The following HS2ST1 variants were observed in gnomAD, a reference collection of about 807,000 sequenced individuals.
HS2ST1 encodes heparan sulfate 2-O-sulfotransferase 1, also known as 2-O-sulfotransferase.
In HS2ST1, 18 loss-of-function variants were observed where a neutral mutation model predicts 42.9. That is an observed-to-expected ratio of 0.42 (90% confidence interval 0.29 to 0.62). HS2ST1 has a LOEUF of 0.62. Ranked by LOEUF, HS2ST1 falls within the 20% of genes least tolerant of loss-of-function variation. The pLI is 0.21. For synonymous variants in HS2ST1, 146 were observed against 152.9 expected (o/e 0.95, Z 0.33); for missense variants, 334 against 433.8 (o/e 0.77, Z 2.04).
intron 1 of HS2ST1, among the ~76,000 whole-genome samples, chr1:87,010,159 A>G (rs775241489): frequency 4.6e-5 from 7 of 152,170 alleles, no homozygotes; most frequent in East Asian, 1.9e-4. Context: ...TAAGCCTTCT[A>G]TAGGAACAGG....
intron 5 of HS2ST1, among the ~76,000 whole-genome samples, chr1:87,101,157 T>TG (rs1557546453): frequency 2.8e-5 from 2 of 70,278 alleles, no homozygotes; most frequent in African/African-American, 1.3e-4. Flanking sequence ...GTGTTTTTTG[T>TG]TTTTTTTTTT....
At chr1:86,999,971 AAAG>A (rs1649233820) in intron 1 of HS2ST1, among the ~76,000 whole-genome samples, 1 of 152,338 alleles carries the variant, frequency 6.6e-6, no homozygotes, top group South Asian at 2.1e-4. Context: ...TATGCCAAAA[AAAG>A]GGAGAAAATA....
chr1:86,966,347 T>C (rs1648046605), intron 1 of HS2ST1, among the ~76,000 whole-genome samples: 1 of 152,200 alleles, frequency 6.6e-6, no homozygotes, highest in Non-Finnish European at 1.5e-5. Context: ...CTCCTATCTG[T>C]TCTTTGGTAC....
At chr1:87,032,726 G>A (rs1650270227) in intron 1 of HS2ST1, among the ~76,000 whole-genome samples, 2 of 152,016 alleles carry the variant, frequency 1.3e-5, no homozygotes, top group South Asian at 4.2e-4. Context: ...TAGTAAAAAT[G>A]CATTGTTCTT....
At chr1:87,069,890 G>A (rs188136231) in intron 1 of HS2ST1, among the ~76,000 whole-genome samples, 2 of 152,276 alleles carry the variant, frequency 1.3e-5, no homozygotes, top group Admixed American at 1.3e-4. Context: ...CCTGCCGGAG[G>A]TGTAGCAAAG....
intron 3 of HS2ST1, among the ~76,000 whole-genome samples, chr1:87,085,916 A>G (rs1051988636): frequency 6.6e-6 from 1 of 152,234 alleles, no homozygotes; most frequent in Non-Finnish European, 1.5e-5. Flanking sequence ...AAATGCTGAC[A>G]TGAATTTTTA....
At chr1:86,974,040 A>C (rs1353397973) in intron 1 of HS2ST1, among the ~76,000 whole-genome samples, 1 of 152,082 alleles carries the variant, frequency 6.6e-6, no homozygotes, top group Non-Finnish European at 1.5e-5. Flanking sequence ...ACTGTCCTAT[A>C]TTCTGTTTTA....
intron 1 of HS2ST1, among the ~76,000 whole-genome samples, chr1:86,960,425 C>T (rs183921463): frequency 3.4e-4 from 51 of 152,172 alleles, no homozygotes; most frequent in Middle Eastern, 3.4e-3. Context: ...GAAAGAAAGA[C>T]GTTGTTAAGT....
chr1:86,919,972 A>T (rs1660257761), intron 1 of HS2ST1, among the ~76,000 whole-genome samples: 1 of 152,236 alleles, frequency 6.6e-6, no homozygotes, highest in Non-Finnish European at 1.5e-5. Context: ...ATAAAATGTC[A>T]GAATTTGTGG....
chr1:86,990,184 A>G (rs1181646086), intron 1 of HS2ST1, among the ~76,000 whole-genome samples: 1 of 152,170 alleles, frequency 6.6e-6, no homozygotes, highest in Non-Finnish European at 1.5e-5. Context: ...ACTCCCATAA[A>G]CAGTGTAAAA....
rs780040772 is a variant in HS2ST1 at position 87,103,519 on chromosome 1, A to G, written c.774A>G (p.Glu258=). ...TGGTGGGAGTTACTGAAGAACTTGA[A>G]GATTTTATCATGTTATTGGAGGCAG... ...YFLVGVTEEL[E]DFIMLLEAAL... The change falls in exon 6 of 7, where the codon GAA becomes GAG. Residue 258 remains glutamate (E), a synonymous_variant. Transcript: ENST00000370550. 1.2e-6 allele frequency: 2 copies of G among 1,612,616 alleles called. No individual in the cohort carries two copies. Among genetic ancestry groups the G allele is most frequent in the Non-Finnish European group, 1.7e-6 (2 of 1,179,390 alleles).
chr1:87,025,094 T>G (rs1473802750), intron 1 of HS2ST1, among the ~76,000 whole-genome samples: 1 of 152,172 alleles, frequency 6.6e-6, no homozygotes, highest in Non-Finnish European at 1.5e-5. Context: ...GTTACATAGG[T>G]GTCAGAGGAT....
chr1:87,025,090 T>C (rs752524173), intron 1 of HS2ST1, among the ~76,000 whole-genome samples: 3 of 152,326 alleles, frequency 2.0e-5, no homozygotes, highest in South Asian at 2.1e-4. Flanking sequence ...ATTGGTTACA[T>C]AGGTGTCAGA....
chr1:87,049,869 T>TTTA, intron 1 of HS2ST1, among the ~76,000 whole-genome samples: 1 of 152,204 alleles, frequency 6.6e-6, no homozygotes. Flanking sequence ...TTAATTATAC[T>TTTA]TGCAGATTTG....
At chr1:86,941,034 A>G (rs1660748970) in intron 1 of HS2ST1, among the ~76,000 whole-genome samples, 1 of 152,228 alleles carries the variant, frequency 6.6e-6, no homozygotes, top group South Asian at 2.1e-4. Context: ...CTCATGAGCC[A>G]TCTAAGTGAC....
chr1:86,967,855 G>A (rs1015553727), intron 1 of HS2ST1, among the ~76,000 whole-genome samples: 3 of 152,130 alleles, frequency 2.0e-5, no homozygotes, highest in Admixed American at 1.3e-4. Flanking sequence ...CCTACTTTTA[G>A]TTCTTTAAGG....
chr1:87,058,315 C>T (rs1487740032), intron 1 of HS2ST1, among the ~76,000 whole-genome samples: 2 of 151,776 alleles, frequency 1.3e-5, no homozygotes, highest in Non-Finnish European at 2.9e-5. Context: ...TCTCTTGAGC[C>T]ACAGTCATAT....
chr1:87,066,835 G>A (rs969329886), intron 1 of HS2ST1, among the ~76,000 whole-genome samples: 1 of 151,890 alleles, frequency 6.6e-6, no homozygotes, highest in African/African-American at 2.4e-5. Flanking sequence ...TTGGTTTTCT[G>A]TTCTTGTTAG....
chr1:86,920,715 T>C (rs970632606), intron 1 of HS2ST1, among the ~76,000 whole-genome samples: 1 of 152,220 alleles, frequency 6.6e-6, no homozygotes, highest in Non-Finnish European at 1.5e-5. Flanking sequence ...ATGAACTTCA[T>C]AATCATGGTT....
Sources: allele counts gnomAD v4.1 joint callset (sites outside exome capture counted in the v4.1 genomes callset), GRCh38; gene constraint gnomAD v4.1.1; transcripts MANE v1.5; gene names NCBI Gene and HGNC (gene_info 2026-07-23, HGNC 2026-07-21).